Variants in RTTN observed in about 807,000 individuals in gnomAD.
RTTN encodes rotatin.
RTTN carries 182 observed loss-of-function variants against 269.2 expected under a neutral mutation model. That is an observed-to-expected ratio of 0.68 (90% CI 0.60 to 0.76). The LOEUF (loss-of-function observed/expected upper bound fraction) is 0.76. Among genes scored for constraint, RTTN ranks in the 30% least tolerant of loss-of-function variants. RTTN has a pLI of 0.00. For synonymous variants in RTTN, 1,006 were observed against 963.5 expected (o/e 1.04, Z -0.82); for missense variants, 2,545 against 2,608.6 (o/e 0.98, Z 0.53).
intron 26 of RTTN, among the ~76,000 whole-genome samples, chr18:70,118,077 A>G (rs1296386843): frequency 6.6e-6 from 1 of 151,978 alleles, no homozygotes; most frequent in African/African-American, 2.4e-5. Context: ...AAGAAGCATA[A>G]ATGAAGCCAA....
rs961539072 is a variant in RTTN at position 70,071,083 on chromosome 18, C to T, written c.4653+2823G>A. Among the ~76,000 whole-genome samples the T allele has an allele frequency of 8.5e-5, 13 of 152,274 alleles. No homozygotes were observed. The East Asian group carries it at 2.3e-3, about 27-fold the overall frequency. On this transcript the variant is annotated intron_variant, in intron 34 of 48. Coordinates refer to ENST00000640769, the MANE Select transcript of RTTN (RefSeq NM_173630.4). ...TCTGGCCTTAGAGTGAAGGAGGAAG[C>T]AAACATACTTCTGGACTCAAAAGAA...
chr18:70,123,720 C>T (rs2059794892), intron 25 of RTTN, among the ~76,000 whole-genome samples: 2 of 152,008 alleles, frequency 1.3e-5, no homozygotes, highest in South Asian at 2.1e-4. Context: ...ATAGGGTGCT[C>T]CTCTAATGCA....
chr18:70,194,483 C>T (rs1245111203), intron 7 of RTTN: 1 of 152,224 alleles, frequency 6.6e-6, no homozygotes, highest in African/African-American at 2.4e-5. Flanking sequence ...TGAAACCAGG[C>T]ACTGCACAGA....
chr18:70,025,042 C>T (rs1283425521), intron 43 of RTTN, among the ~76,000 whole-genome samples, 194 bp from the exon 44 acceptor site: 3 of 152,184 alleles, frequency 2.0e-5, no homozygotes, highest in African/African-American at 7.2e-5. Flanking sequence ...CTCAGGACGT[C>T]GCTTCAACAC....
At position 70,193,339 on chromosome 18, in the gene RTTN, G is replaced by A. The variant is rs1399849740; in HGVS notation, c.956C>T (p.Thr319Ile). 1.2e-6 allele frequency: 2 copies of A among 1,610,854 alleles called. No individual in the cohort carries two copies. The highest frequency in any genetic ancestry group is 3.4e-5 in the Admixed American group (2 of 59,578). The change falls in exon 8 of 49, where the codon ACA becomes ATA. Residue 319 changes from threonine to isoleucine, a missense_variant. Thr to Ile is a moderately conservative substitution (Grantham distance 89). Coordinates refer to ENST00000640769, the MANE Select transcript of RTTN (RefSeq NM_173630.4). Reference protein sequence around the residue: ...SSPRPSVVGRTGQRPRGDGQD... With the variant: ...SSPRPSVVGRIGQRPRGDGQD... ...GCCATCTCCTCTGGGTCGCTGGCCTGTGCGCCCAACCACAGAAGGCCGAGG... is the reference window on the plus strand; with the variant it reads ...GCCATCTCCTCTGGGTCGCTGGCCTATGCGCCCAACCACAGAAGGCCGAGG...
At chr18:70,050,989 A>G (rs999661628) in intron 39 of RTTN, among the ~76,000 whole-genome samples, 1 of 152,130 alleles carries the variant, frequency 6.6e-6, no homozygotes, top group Non-Finnish European at 1.5e-5. Flanking sequence ...AACCTAGATG[A>G]TCGGTTGATA....
At chr18:70,072,590 T>C (rs1469981543) in intron 34 of RTTN, among the ~76,000 whole-genome samples, 5 of 152,120 alleles carry the variant, frequency 3.3e-5, no homozygotes, top group African/African-American at 1.2e-4. Flanking sequence ...TAAATATGAC[T>C]TCAGTGCTCA....
chr18:70,068,658 G>A (rs975118170), intron 34 of RTTN, among the ~76,000 whole-genome samples: 3 of 152,102 alleles, frequency 2.0e-5, no homozygotes, highest in African/African-American at 2.4e-5. Flanking sequence ...CAAGCTTCTC[G>A]CTGCTCTGCT....
intron 28 of RTTN, 75 bp downstream of exon 28, chr18:70,109,423 T>C (rs910616902): frequency 1.4e-5 from 14 of 1,010,258 alleles, no homozygotes; most frequent in Non-Finnish European, 2.1e-5. Flanking sequence ...TAGAGTAACG[T>C]ATAATGCACT....
chr18:70,181,278 CA>C (rs1465515707), intron 10 of RTTN, among the ~76,000 whole-genome samples: 1 of 152,132 alleles, frequency 6.6e-6, no homozygotes, highest in African/African-American at 2.4e-5. Context: ...AGGAATGACA[CA>C]GAAGAAATGC....
In RTTN at chr18:70,196,649, C is replaced by A; in HGVS notation, c.694-1G>T. 6.2e-7 allele frequency: 1 copy of A among 1,606,186 alleles called. No homozygotes were observed. Among genetic ancestry groups the A allele is most frequent in the South Asian group, 1.1e-5 (1 of 89,080 alleles). On this transcript the variant is annotated splice_acceptor_variant, in intron 6 of 48. Transcript: ENST00000640769. LOFTEE classifies it high-confidence loss of function. ...CCAGTTTCAACAGAGATAAAAGGCT[C>A]TGAAATCAAGAAGAGCCGTGAAAAT...
intron 24 of RTTN, 55 bp downstream of exon 24, chr18:70,128,302 TA>T: frequency 7.0e-7 from 1 of 1,434,176 alleles, no homozygotes; most frequent in Non-Finnish European, 9.5e-7. Flanking sequence ...AAAACTTAAC[TA>T]ATTAATTACA....
At chr18:70,059,645 A>AACAAACTAAT (rs1431876517) in intron 36 of RTTN, among the ~76,000 whole-genome samples, 1 of 152,196 alleles carries the variant, frequency 6.6e-6, no homozygotes, top group Non-Finnish European at 1.5e-5. Flanking sequence ...TAGTCAAGAT[A>AACAAACTAAT]ACAAACTAAT....
In RTTN at chr18:70,168,886, G is replaced by A. The variant is rs1287400242; in HGVS notation, c.1658C>T (p.Thr553Ile). The A allele has an allele frequency of 6.2e-7, 1 of 1,612,140 alleles. No individual in the cohort carries two copies. Among genetic ancestry groups the A allele is most frequent in the Non-Finnish European group, 8.5e-7 (1 of 1,179,244 alleles). The change falls in exon 12 of 49, where the codon ACC becomes ATC. Residue 553 changes from threonine to isoleucine, a missense_variant. Thr to Ile is a moderately conservative substitution (Grantham distance 89, BLOSUM62 -1). Coordinates refer to ENST00000640769, the MANE Select transcript of RTTN (RefSeq NM_173630.4). Reference protein sequence around the residue: ...TAEAVYSIECTCNFLSDIGKE... With the variant: ...TAEAVYSIECICNFLSDIGKE... ...CCCAATATCAGACAGGAAGTTACAGGTGCATTCAATTGAATAAACGGCCTC... is the reference window on the plus strand; with the variant it reads ...CCCAATATCAGACAGGAAGTTACAGATGCATTCAATTGAATAAACGGCCTC...
intron 7 of RTTN, among the ~76,000 whole-genome samples, chr18:70,194,940 C>T (rs2061766603): frequency 6.6e-6 from 1 of 151,842 alleles, no homozygotes. Context: ...TTTATAATGG[C>T]ATATTTTATA....
intron 34 of RTTN, among the ~76,000 whole-genome samples, chr18:70,066,465 A>C (rs1480492185): frequency 6.6e-6 from 1 of 152,198 alleles, no homozygotes; most frequent in Non-Finnish European, 1.5e-5. Context: ...AATCCGTGGA[A>C]AGCAAGTACA....
chr18:70,081,751 G>C (rs759543316), intron 32 of RTTN, among the ~76,000 whole-genome samples: 1 of 152,058 alleles, frequency 6.6e-6, no homozygotes, highest in South Asian at 2.1e-4. Context: ...TTCCTGAGCT[G>C]GATCTTGGAT....
chr18:70,163,074 A>C (rs1327932230), intron 14 of RTTN, among the ~76,000 whole-genome samples: 2 of 131,260 alleles, frequency 1.5e-5, no homozygotes, highest in African/African-American at 6.8e-5. Flanking sequence ...ATTATTAAAA[A>C]AAAAAAAAAA....
chr18:70,035,870 C>A (rs988636583), intron 40 of RTTN, among the ~76,000 whole-genome samples: 3 of 151,992 alleles, frequency 2.0e-5, no homozygotes, highest in Admixed American at 6.6e-5. Context: ...AAAAAAACAA[C>A]CCCATTAAGA....
Sources: allele counts gnomAD v4.1 joint callset (sites outside exome capture counted in the v4.1 genomes callset), GRCh38; gene constraint gnomAD v4.1.1; transcripts MANE v1.5; gene names NCBI Gene and HGNC (gene_info 2026-07-23, HGNC 2026-07-21).